The following PRPSAP1 variants were observed in gnomAD, a reference collection of about 807,000 sequenced individuals.
PRPSAP1 encodes phosphoribosyl pyrophosphate synthetase associated protein 1, also known as phosphoribosyl pyrophosphate synthase-associated protein 1.
Under a neutral mutation model 39.4 loss-of-function variants are expected in PRPSAP1, and 31 were observed. The observed-to-expected ratio is 0.79, with a 90% CI of 0.59 to 1.06. The LOEUF is 1.06. PRPSAP1 is among the 50% of genes least tolerant of loss of function. PRPSAP1 has a pLI of 0.00. For missense variants in PRPSAP1, 430 were observed against 511.6 expected, an observed-to-expected ratio of 0.84 and a Z score of 1.54; for synonymous variants, 212 against 192.6, an observed-to-expected ratio of 1.10 and a Z score of -0.83.
rs185496946 is a variant in PRPSAP1 at position 76,324,424 on chromosome 17, C to A, written c.781+4293G>T. On this transcript the variant is annotated intron_variant, in intron 7 of 9. Coordinates refer to ENST00000446526, the MANE Select transcript of PRPSAP1 (RefSeq NM_002766.3). ...GACCAGCCTGACCAACATGGTGAAA[C>A]CCTGTCTCTACTAAATACAAAAAAA... Among the ~76,000 whole-genome samples the A allele has an allele frequency of 9.6e-4, 145 of 151,688 alleles. 3 individuals are homozygous for A. Among genetic ancestry groups the A allele is most frequent in the African/African-American group, 3.2e-3 (133 of 41,386 alleles).
chr17:76,319,077 T>C (rs1281705500), intron 7 of PRPSAP1, among the ~76,000 whole-genome samples: 3 of 151,908 alleles, frequency 2.0e-5, no homozygotes, highest in Non-Finnish European at 4.4e-5. Flanking sequence ...GTAGCTGGGA[T>C]TACAGATGTG....
chr17:76,352,688 A>AAAG (rs977997522), intron 1 of PRPSAP1, among the ~76,000 whole-genome samples: 5 of 151,366 alleles, frequency 3.3e-5, no homozygotes, highest in Admixed American at 1.3e-4. Context: ...AGAAAAAGAA[A>AAAG]AGAGGCCACT....
intron 7 of PRPSAP1, among the ~76,000 whole-genome samples, chr17:76,322,303 G>A (rs1329026263): frequency 6.6e-6 from 1 of 152,124 alleles, no homozygotes; most frequent in African/African-American, 2.4e-5. Flanking sequence ...AGCTGAGGCA[G>A]GAGAATCGCT....
intron 7 of PRPSAP1, among the ~76,000 whole-genome samples, chr17:76,323,324 A>G (rs2071217814): frequency 6.7e-6 from 1 of 149,844 alleles, no homozygotes; most frequent in Non-Finnish European, 1.5e-5. Flanking sequence ...CCTGGGTGAC[A>G]GAGCAAGACT....
chr17:76,353,713 CGCG>C lies in PRPSAP1; in HGVS notation c.-13_-11del. ...GCAGCTTCTTGGGCATCGTCCGGCCCGCGGCGCGGTTACGACCGGCCCCGCGCG... is the reference window on the plus strand; with the variant it reads ...GCAGCTTCTTGGGCATCGTCCGGCCCGCGCGGTTACGACCGGCCCCGCGCG... On this transcript the variant is annotated 5_prime_UTR_variant, in exon 1 of 10. Coordinates refer to ENST00000446526, the MANE Select transcript of PRPSAP1 (RefSeq NM_002766.3). The C allele has an allele frequency of 6.9e-7, 1 of 1,455,144 alleles. No homozygotes were observed. The highest frequency in any genetic ancestry group is 2.8e-5 in the East Asian group (1 of 35,418). 90.1% of individuals were successfully genotyped at this position (1,455,144 alleles called of 1,614,324 possible).
chr17:76,310,323 C>T lies in PRPSAP1; in HGVS notation c.*1219G>A, dbSNP rs555484522. ...CTTTGTAGTCTTTTTATGCTTTTAA[C>T]TTAGCTAGGCTAATTTTTGTATTTT... is the stretch of plus-strand genomic sequence containing the variant. On this transcript the variant is annotated 3_prime_UTR_variant, in exon 10 of 10. Transcript: ENST00000446526. The T allele has an allele frequency of 1.0e-4, 15 of 148,188 alleles. 1 individual carries two copies. In the East Asian group the frequency reaches 3.0e-3, roughly 29 times the overall value. The allele number at this position is 148,188 out of a possible 1,614,324, so 9.2% of individuals were successfully genotyped here.
intron 7 of PRPSAP1, among the ~76,000 whole-genome samples, chr17:76,323,027 C>G (rs1342260431): frequency 6.6e-6 from 1 of 151,174 alleles, no homozygotes; most frequent in East Asian, 2.0e-4. Flanking sequence ...ACAGAGACCC[C>G]GCCTCTAAAA....
intron 3 of PRPSAP1, among the ~76,000 whole-genome samples, chr17:76,342,842 C>G (rs2071454102): frequency 6.6e-6 from 1 of 152,012 alleles, no homozygotes; most frequent in African/African-American, 2.4e-5. Flanking sequence ...CTTTAGGAGG[C>G]TGAGGCAGGC....
At position 76,319,088 on chromosome 17, in the gene PRPSAP1, T is replaced by C. The variant is rs550761235; in HGVS notation, c.782-5197A>G. Among the ~76,000 whole-genome samples the C allele has an allele frequency of 9.2e-5, 14 of 151,966 alleles. No individual in the cohort carries two copies. The East Asian group carries it at 1.2e-3, about 13-fold the overall frequency. The stretch of plus-strand genomic sequence containing the variant: ...CCAAGTAGCTGGGATTACAGATGTG[T>C]GCCACCAGGCCTGGCTAATTTTTGT... On this transcript the variant is annotated intron_variant, in intron 7 of 9. Coordinates refer to ENST00000446526, the MANE Select transcript of PRPSAP1 (RefSeq NM_002766.3).
At chr17:76,341,422 T>C (rs1002788151) in intron 3 of PRPSAP1, among the ~76,000 whole-genome samples, 7 of 151,888 alleles carry the variant, frequency 4.6e-5, no homozygotes, top group African/African-American at 7.3e-5. Context: ...ATTTTATTTG[T>C]AGAGATGGAG....
chr17:76,315,737 CAG>C (rs1478002108), intron 7 of PRPSAP1, among the ~76,000 whole-genome samples: 2 of 88,954 alleles, frequency 2.2e-5, no homozygotes, highest in Admixed American at 1.5e-4. Context: ...TTTCTTGAGA[CAG>C]AGTCTCACTC....
intron 9 of PRPSAP1, 73 bp from the exon 10 acceptor site, chr17:76,311,773 T>C: frequency 6.7e-7 from 1 of 1,502,560 alleles, no homozygotes; most frequent in Non-Finnish European, 9.0e-7. Flanking sequence ...CAGAAAAGCT[T>C]ATCTAACATT....
rs773003584 is a variant in PRPSAP1 at position 76,348,608 on chromosome 17, G to A, written c.171-27C>T. ...TATAGATCAAAAAGAACAAAAAAGG[G>A]AAATTAAGATTACTCTTTTTAAAAA... On this transcript the variant is annotated intron_variant, in intron 1 of 9. Transcript: ENST00000446526. 17 of 1,511,686 alleles carry A rather than the reference G, an allele frequency of 1.1e-5. No individual in the cohort carries two copies. In the Admixed American group the frequency reaches 1.6e-4, roughly 14 times the overall value. The allele number at this position is 1,511,686 out of a possible 1,614,324, so 93.6% of individuals were successfully genotyped here. A position where few individuals can be genotyped will look rare whatever the true frequency, so the allele number is the denominator to read the frequency against.
chr17:76,354,033 C>A (rs1469411119), upstream of PRPSAP1: 18 of 1,121,938 alleles, frequency 1.6e-5, no homozygotes, highest in African/African-American at 4.9e-5. Context: ...TTCCGAGGGG[C>A]ATGTCACAGG....
intron 7 of PRPSAP1, among the ~76,000 whole-genome samples, chr17:76,325,905 C>T (rs2071251479): frequency 6.6e-6 from 1 of 152,038 alleles, no homozygotes; most frequent in Non-Finnish European, 1.5e-5. Context: ...TGCGCCTGGC[C>T]AACTGCTAGT....
intron 7 of PRPSAP1, among the ~76,000 whole-genome samples, chr17:76,324,607 A>G (rs993801618): frequency 6.6e-6 from 1 of 152,030 alleles, no homozygotes; most frequent in Non-Finnish European, 1.5e-5. Context: ...CATCTCAAAA[A>G]AAAAAAAGCT....
At chr17:76,320,210 C>G (rs1165443944) in intron 7 of PRPSAP1, among the ~76,000 whole-genome samples, 2 of 150,712 alleles carry the variant, frequency 1.3e-5, no homozygotes, top group African/African-American at 2.4e-5. Flanking sequence ...GCAAAGGTTG[C>G]AGTGAGCTGA....
chr17:76,335,730 T>C lies in PRPSAP1; in HGVS notation c.291-3295A>G, dbSNP rs1318576077. On this transcript the variant is annotated intron_variant, in intron 3 of 9. Transcript: ENST00000446526. The stretch of plus-strand genomic sequence containing the variant: ...GACCAAGTGCAGTAGTTTATGCTTG[T>C]AATCCCAGCACTTTGAGAGGCCAAG... 2.0e-5 allele frequency among the ~76,000 whole-genome samples: 3 copies of C among 152,164 alleles called. No individual in the cohort carries two copies. In the East Asian group the frequency reaches 5.8e-4, roughly 29 times the overall value.
intron 7 of PRPSAP1, among the ~76,000 whole-genome samples, chr17:76,328,426 T>G (rs1005426209): frequency 6.6e-6 from 1 of 151,990 alleles, no homozygotes; most frequent in Admixed American, 6.6e-5. Context: ...CTGGCCAACA[T>G]GGTGAAACCC....
Sources: gnomAD v4.1 joint callset for allele counts (sites outside exome capture counted in the v4.1 genomes callset) on GRCh38, gnomAD v4.1.1 for gene constraint, MANE v1.5 for transcripts, NCBI Gene and HGNC (gene_info 2026-07-23, HGNC 2026-07-21) for gene names.